The following ARPP21 variants were observed in gnomAD, a reference collection of about 807,000 sequenced individuals.
ARPP21 encodes the protein cAMP regulated phosphoprotein 21, also known as cAMP-regulated phosphoprotein 21.
Under a neutral mutation model 113.2 loss-of-function variants are expected in ARPP21, and 69 were observed. That is an observed-to-expected ratio of 0.61 (90% CI 0.50 to 0.74). ARPP21 has a LOEUF of 0.74. Ranked by LOEUF, ARPP21 falls within the 30% of genes least tolerant of loss-of-function variation. The pLI is 0.00. For missense variants in ARPP21, 1,070 were observed against 1,037.4 expected (o/e 1.03, Z -0.43); for synonymous variants, 368 against 375.5 (o/e 0.98, Z 0.23).
intron 1 of ARPP21, chr3:35,651,724 C>G (rs1702468272): frequency 6.6e-6 from 1 of 152,000 alleles, no homozygotes; most frequent in Non-Finnish European, 1.5e-5. Flanking sequence ...TCTTGGTACT[C>G]ATTTTTTTCT....
At chr3:35,688,544 T>A (rs2081279021) in intron 6 of ARPP21, among the ~76,000 whole-genome samples, 1 of 151,488 alleles carries the variant, frequency 6.6e-6, no homozygotes, top group South Asian at 2.1e-4. Context: ...TAAGTTGAAA[T>A]GAAGAGTACC....
rs115771960 is a variant in ARPP21, at chr3:35,676,937, C to T, written c.-212-2850C>T. On this transcript the variant is annotated intron_variant, in intron 1 of 20. Transcript: ENST00000684406. Reference sequence around the variant, plus strand: ...TGTGGCAATTTGACAAATCAATCATCACCCCAATATACAAGTGGTTTTCAT... The same window carrying T: ...TGTGGCAATTTGACAAATCAATCATTACCCCAATATACAAGTGGTTTTCAT... Among the ~76,000 whole-genome samples, 466 of 152,014 alleles carry T rather than the reference C, an allele frequency of 3.1e-3. 2 individuals are homozygous for T. Among genetic ancestry groups the T allele is most frequent in the African/African-American group, 0.01 (428 of 41,530 alleles).
chr3:35,763,262 T>C (rs966361102), intron 19 of ARPP21, among the ~76,000 whole-genome samples: 18 of 152,144 alleles, frequency 1.2e-4, no homozygotes, highest in African/African-American at 4.1e-4. Context: ...CTGCCTCATT[T>C]CTGCCTCTCT....
At chr3:35,734,028 G>A (rs745408893) in intron 15 of ARPP21, among the ~76,000 whole-genome samples, 1 of 152,164 alleles carries the variant, frequency 6.6e-6, no homozygotes, top group Non-Finnish European at 1.5e-5. Flanking sequence ...TAAATCAAAA[G>A]CCATACAGAA....
At chr3:35,727,669 TAATC>T in intron 14 of ARPP21, among the ~76,000 whole-genome samples, 2 of 152,336 alleles carry the variant, frequency 1.3e-5, no homozygotes, top group East Asian at 3.9e-4. Context: ...GCTGATGATT[TAATC>T]AACCTCGTGT....
intron 13 of ARPP21, among the ~76,000 whole-genome samples, chr3:35,718,909 CAAAA>C (rs35647414): frequency 4.2e-5 from 3 of 71,922 alleles, no homozygotes; most frequent in African/African-American, 5.3e-5. Flanking sequence ...GTAACCTGTG[CAAAA>C]AAAAAAAAAA....
At chr3:35,735,535 A>G (rs968931776) in intron 15 of ARPP21, among the ~76,000 whole-genome samples, 1 of 152,172 alleles carries the variant, frequency 6.6e-6, no homozygotes, top group Non-Finnish European at 1.5e-5. Flanking sequence ...CTTACCCTGG[A>G]TAAGAATGCT....
At chr3:35,654,812 G>A (rs1446153787) in intron 1 of ARPP21, among the ~76,000 whole-genome samples, 1 of 151,878 alleles carries the variant, frequency 6.6e-6, no homozygotes, top group Non-Finnish European at 1.5e-5. Flanking sequence ...AAGCATAGTA[G>A]GTATAATAAA....
chr3:35,721,324 CAT>C (rs1234758006), intron 13 of ARPP21, among the ~76,000 whole-genome samples: 1 of 152,138 alleles, frequency 6.6e-6, no homozygotes, highest in South Asian at 2.1e-4. Context: ...CATTTTATGA[CAT>C]GTCTTTCTAG....
chr3:35,768,522 T>C (rs1482625361), intron 19 of ARPP21, among the ~76,000 whole-genome samples: 1 of 152,212 alleles, frequency 6.6e-6, no homozygotes, highest in Non-Finnish European at 1.5e-5. Context: ...ATTTGATTTA[T>C]GATAGCATCA....
chr3:35,669,875 C>T (rs918114773), intron 1 of ARPP21, among the ~76,000 whole-genome samples: 5 of 152,146 alleles, frequency 3.3e-5, no homozygotes, highest in South Asian at 2.1e-4. Flanking sequence ...AAATCTTCAA[C>T]TTCATCAACA....
intron 1 of ARPP21, among the ~76,000 whole-genome samples, chr3:35,662,244 C>T (rs1708165011): frequency 6.6e-6 from 1 of 152,120 alleles, no homozygotes; most frequent in Non-Finnish European, 1.5e-5. Context: ...AGTTTTAATA[C>T]TTTTATAAAT....
intron 19 of ARPP21, among the ~76,000 whole-genome samples, chr3:35,778,810 C>G (rs1260816486): frequency 6.6e-6 from 1 of 152,052 alleles, no homozygotes; most frequent in Non-Finnish European, 1.5e-5. Context: ...ATAATGATAC[C>G]CACTTCACAA....
chr3:35,764,073 G>GA (rs201755621), intron 19 of ARPP21, among the ~76,000 whole-genome samples: 225 of 149,820 alleles, frequency 1.5e-3, no homozygotes, highest in East Asian at 2.9e-3. Context: ...TGGCTACAAT[G>GA]AAAAAAAAAG....
At chr3:35,701,008 T>C (rs919336762) in intron 9 of ARPP21, among the ~76,000 whole-genome samples, 4 of 151,788 alleles carry the variant, frequency 2.6e-5, no homozygotes, top group African/African-American at 9.6e-5. Flanking sequence ...ACATGTACCC[T>C]AGAGTTTTTG....
intron 1 of ARPP21, among the ~76,000 whole-genome samples, chr3:35,666,115 A>G (rs192566730): frequency 2.0e-4 from 30 of 152,242 alleles, no homozygotes; most frequent in Non-Finnish European, 3.5e-4. Context: ...ATTAATAAAT[A>G]GTATATACTG....
At chr3:35,664,600 TC>T (rs1458843575) in intron 1 of ARPP21, among the ~76,000 whole-genome samples, 1 of 152,176 alleles carries the variant, frequency 6.6e-6, no homozygotes, top group Admixed American at 6.5e-5. Context: ...GCCCGGGCGT[TC>T]CTAGGAGTGA....
chr3:35,642,462 T>G (rs543261518), intron 1 of ARPP21: 1 of 152,302 alleles, frequency 6.6e-6, no homozygotes, highest in African/African-American at 2.4e-5. Flanking sequence ...ATATATCATA[T>G]GAATGGAAAT....
chr3:35,682,046 C>A (rs970175801), intron 3 of ARPP21, among the ~76,000 whole-genome samples, 166 bp downstream of exon 3: 2 of 151,706 alleles, frequency 1.3e-5, no homozygotes, highest in East Asian at 2.0e-4. Context: ...TTGTCCTAAC[C>A]CAACCGTGCT....
Sources: allele counts gnomAD v4.1 joint callset (sites outside exome capture counted in the v4.1 genomes callset), GRCh38; gene constraint gnomAD v4.1.1; transcripts MANE v1.5; gene names NCBI Gene and HGNC (gene_info 2026-07-23, HGNC 2026-07-21).